Variants in ABI3BP observed in about 807,000 individuals in gnomAD.
ABI3BP encodes target of Nesh-SH3.
A neutral mutation model predicts 268.6 loss-of-function variants in ABI3BP; 216 were observed. That is an observed-to-expected ratio of 0.80 (90% CI 0.72 to 0.90). The LOEUF is 0.90. ABI3BP is among the 40% of genes least tolerant of loss of function. The probability of loss-of-function intolerance (pLI) is 0.00; values close to 1 mark genes in which losing one functional copy is unlikely to be tolerated. For synonymous variants in ABI3BP, 730 were observed against 730.0 expected (o/e 1.00, Z 0.00); for missense variants, 2,090 against 2,182.4 (o/e 0.96, Z 0.84).
chr3:100,906,441 G>A (rs1271799074), intron 2 of ABI3BP, among the ~76,000 whole-genome samples: 1 of 152,168 alleles, frequency 6.6e-6, no homozygotes, highest in Non-Finnish European at 1.5e-5. Flanking sequence ...GGACACAGGT[G>A]TGGAAAAATA....
chr3:100,817,507 TAATAA>T lies in ABI3BP; in HGVS notation c.3089-17_3089-13del, dbSNP rs138544091. 3,183 of 1,447,714 alleles carry T rather than the reference TAATAA, an allele frequency of 2.2e-3. 59 individuals are homozygous for T. In the African/African-American group the frequency reaches 0.035, roughly 16 times the overall value. The allele number at this position is 1,447,714 out of a possible 1,614,324, so 89.7% of individuals were successfully genotyped here. ...GACTGTAGTAACAACTAGACAAAAA[TAATAA>T]AATAAAGCAAAAAGATTTAACTTGA... On this transcript the variant is annotated splice_polypyrimidine_tract_variant and intron_variant, in intron 41 of 67. Coordinates refer to ENST00000471714, the MANE Select transcript of ABI3BP (RefSeq NM_001375547.2).
intron 9 of ABI3BP, among the ~76,000 whole-genome samples, chr3:100,869,339 T>G (rs2099087511): frequency 8.2e-6 from 1 of 122,102 alleles, no homozygotes; most frequent in Admixed American, 8.4e-5. Flanking sequence ...GGTTTTTTTT[T>G]TTTTTTTTTT....
intron 2 of ABI3BP, among the ~76,000 whole-genome samples, chr3:100,914,153 G>GA (rs2057771433): frequency 6.6e-6 from 1 of 151,656 alleles, no homozygotes. Flanking sequence ...TTTTTCCTCA[G>GA]AAAAAGTATG....
At chr3:100,987,054 G>T (rs552894138) in intron 1 of ABI3BP, among the ~76,000 whole-genome samples, 2 of 151,882 alleles carry the variant, frequency 1.3e-5, no homozygotes, top group Non-Finnish European at 2.9e-5. Flanking sequence ...TCACATTAGA[G>T]TATCCTATTT....
chr3:100,901,581 C>T (rs933624086), intron 3 of ABI3BP, among the ~76,000 whole-genome samples: 1 of 151,882 alleles, frequency 6.6e-6, no homozygotes, highest in African/African-American at 2.4e-5. Flanking sequence ...CTGGCTAACA[C>T]GGTGAAACCC....
intron 60 of ABI3BP, 25 bp downstream of exon 60, chr3:100,775,182 A>C (rs1559978671): frequency 6.2e-7 from 1 of 1,611,292 alleles, no homozygotes; most frequent in Non-Finnish European, 8.5e-7. Flanking sequence ...CTAAGTATCC[A>C]GTGAGAACTG....
At chr3:100,912,276 T>TAAAAAAAAAAAAAAAAAAAA (rs71132535) in intron 2 of ABI3BP, 1 of 24,676 alleles carries the variant, frequency 4.1e-5, no homozygotes, top group Non-Finnish European at 6.9e-5. Flanking sequence ...CTCTCTTTTG[T>TAAAAAAAAAAAAAAAAAAAA]AAAAAAAAAA....
chr3:100,921,852 G>A (rs907096532), intron 2 of ABI3BP, among the ~76,000 whole-genome samples: 5 of 152,186 alleles, frequency 3.3e-5, no homozygotes, highest in Non-Finnish European at 7.4e-5. Context: ...GGAAGTCCTG[G>A]TCCACAGGTC....
At chr3:100,755,277 G>A (rs1335188269) in intron 63 of ABI3BP, among the ~76,000 whole-genome samples, 1 of 152,148 alleles carries the variant, frequency 6.6e-6, no homozygotes, top group Non-Finnish European at 1.5e-5. Flanking sequence ...TGAGTCATGT[G>A]CCCACTGAAG....
chr3:100,944,571 A>G (rs1480524863), intron 1 of ABI3BP, among the ~76,000 whole-genome samples: 5 of 152,198 alleles, frequency 3.3e-5, no homozygotes, highest in Non-Finnish European at 1.5e-5. Flanking sequence ...GCCATCTTGC[A>G]AAAACATTGT....
intron 1 of ABI3BP, among the ~76,000 whole-genome samples, chr3:100,936,616 T>G (rs928437047): frequency 1.3e-5 from 2 of 152,116 alleles, no homozygotes; most frequent in Non-Finnish European, 2.9e-5. Context: ...TGGACTTTTT[T>G]TTTGGTTGTT....
chr3:100,787,509 T>C (rs2097087973), intron 57 of ABI3BP, among the ~76,000 whole-genome samples: 2 of 152,174 alleles, frequency 1.3e-5, no homozygotes, highest in African/African-American at 2.4e-5. Context: ...ATATAGTAAC[T>C]AGTAGACTAG....
At chr3:100,835,705 GA>G (rs1214750956) in intron 27 of ABI3BP, 45 bp from the exon 28 acceptor site, 1 of 1,382,154 alleles carries the variant, frequency 7.2e-7, no homozygotes, top group African/African-American at 1.5e-5. Context: ...AAGAAATACA[GA>G]AAAACAAAGT....
intron 57 of ABI3BP, among the ~76,000 whole-genome samples, chr3:100,781,535 C>T (rs1256408684): frequency 6.6e-6 from 1 of 152,128 alleles, no homozygotes; most frequent in African/African-American, 2.4e-5. Context: ...CTGTGTCTCA[C>T]TGTCAGGGGT....
intron 47 of ABI3BP, 126 bp downstream of exon 47, chr3:100,811,602 G>C (rs2097861852): frequency 2.2e-6 from 2 of 916,370 alleles, no homozygotes; most frequent in African/African-American, 3.4e-5. Context: ...GGAAGCTGTA[G>C]CTCCTTCAAA....
At chr3:100,976,890 G>A (rs2086494097) in intron 1 of ABI3BP, among the ~76,000 whole-genome samples, 1 of 152,246 alleles carries the variant, frequency 6.6e-6, no homozygotes, top group Non-Finnish European at 1.5e-5. Context: ...CTTGGCCTAA[G>A]GCCAGTCCTG....
At chr3:100,773,649 G>A (rs1475496136) in intron 61 of ABI3BP, among the ~76,000 whole-genome samples, 1 of 152,112 alleles carries the variant, frequency 6.6e-6, no homozygotes, top group African/African-American at 2.4e-5. Flanking sequence ...GTACATGAAT[G>A]GTCATAATAG....
At chr3:100,759,511 T>C (rs1245378900) in intron 63 of ABI3BP, among the ~76,000 whole-genome samples, 1 of 152,158 alleles carries the variant, frequency 6.6e-6, no homozygotes, top group Non-Finnish European at 1.5e-5. Flanking sequence ...ATAAACTAGC[T>C]GGCTCTTATG....
intron 24 of ABI3BP, among the ~76,000 whole-genome samples, chr3:100,839,352 T>C (rs754493010): frequency 5.8e-4 from 88 of 152,268 alleles, no homozygotes; most frequent in Middle Eastern, 3.4e-3. Flanking sequence ...ACCAGGAAGT[T>C]GTGTCCAAGA....
Sources: allele counts gnomAD v4.1 joint callset (sites outside exome capture counted in the v4.1 genomes callset), GRCh38; gene constraint gnomAD v4.1.1; transcripts MANE v1.5; gene names NCBI Gene and HGNC (gene_info 2026-07-23, HGNC 2026-07-21).